The following ARHGAP17 variants were observed in gnomAD, a reference collection of about 807,000 sequenced individuals.
ARHGAP17 encodes Rho GTPase activating protein 17.
Under a neutral mutation model 99.5 loss-of-function variants are expected in ARHGAP17, and 57 were observed. The ratio of observed to expected loss-of-function variants is 0.57; its 90% CI spans 0.46 to 0.71. The LOEUF (loss-of-function observed/expected upper bound fraction) is 0.71. ARHGAP17 is among the 30% of genes least tolerant of loss of function. The pLI is 0.00. For missense variants in ARHGAP17, 1,000 were observed against 1,122.4 expected, an observed-to-expected ratio of 0.89 and a Z score of 1.56; for synonymous variants, 417 against 429.6, an observed-to-expected ratio of 0.97 and a Z score of 0.36.
At chr16:25,004,087 G>C (rs947413436) in intron 1 of ARHGAP17, among the ~76,000 whole-genome samples, 1 of 152,040 alleles carries the variant, frequency 6.6e-6, no homozygotes, top group Non-Finnish European at 1.5e-5. Flanking sequence ...TTTCCCCTAG[G>C]ACTATCTCTA....
chr16:24,984,588 G>A (rs1230094303), intron 1 of ARHGAP17, among the ~76,000 whole-genome samples: 3 of 152,042 alleles, frequency 2.0e-5, no homozygotes, highest in Non-Finnish European at 2.9e-5. Flanking sequence ...CCCGGGAGGC[G>A]GAGTTTGCAG....
chr16:24,953,322 C>T (rs1250127480), intron 10 of ARHGAP17, among the ~76,000 whole-genome samples: 1 of 152,162 alleles, frequency 6.6e-6, no homozygotes, highest in Non-Finnish European at 1.5e-5. Flanking sequence ...TTGTCCTGTG[C>T]CCTGTAGGAT....
intron 1 of ARHGAP17, among the ~76,000 whole-genome samples, chr16:24,994,710 A>C (rs1021046237): frequency 1.3e-5 from 2 of 152,142 alleles, no homozygotes; most frequent in African/African-American, 4.8e-5. Context: ...AAACTGATGC[A>C]CCCAGGGAAC....
At chr16:24,944,974 T>C (rs570280841) in intron 14 of ARHGAP17, among the ~76,000 whole-genome samples, 4 of 151,966 alleles carry the variant, frequency 2.6e-5, no homozygotes, top group African/African-American at 9.6e-5. Context: ...GGTCATCATA[T>C]ATGTGGACTA....
chr16:24,942,767 CAAAA>C (rs768002636), intron 15 of ARHGAP17, among the ~76,000 whole-genome samples: 3 of 69,484 alleles, frequency 4.3e-5, no homozygotes, highest in Non-Finnish European at 3.5e-5. Flanking sequence ...GACTCTGTCT[CAAAA>C]AAAAAAAAAA....
At chr16:25,001,264 A>G (rs2053352859) in intron 1 of ARHGAP17, among the ~76,000 whole-genome samples, 1 of 149,712 alleles carries the variant, frequency 6.7e-6, no homozygotes, top group African/African-American at 2.5e-5. Context: ...AATTTAAAAA[A>G]CAAAAAAAAA....
intron 19 of ARHGAP17, 171 bp from the exon 20 acceptor site, chr16:24,920,431 A>G (rs2050691144): frequency 2.7e-6 from 2 of 728,332 alleles, no homozygotes; most frequent in Admixed American, 2.8e-5. Flanking sequence ...AGCCTTTGTG[A>G]CCCCAGAGGG....
At chr16:24,960,315 T>C (rs1032561299) in intron 7 of ARHGAP17, among the ~76,000 whole-genome samples, 1 of 152,114 alleles carries the variant, frequency 6.6e-6, no homozygotes, top group Non-Finnish European at 1.5e-5. Context: ...GAGGCTGAGA[T>C]GGGCAGATTA....
intron 10 of ARHGAP17, among the ~76,000 whole-genome samples, chr16:24,953,297 A>AT (rs1567226674): frequency 6.6e-6 from 1 of 152,132 alleles, no homozygotes; most frequent in Non-Finnish European, 1.5e-5. Context: ...AGGCTGGATG[A>AT]TTTTTTGTTG....
At chr16:24,923,144 T>C (rs557698319) in intron 19 of ARHGAP17, among the ~76,000 whole-genome samples, 1 of 152,320 alleles carries the variant, frequency 6.6e-6, no homozygotes, top group East Asian at 1.9e-4. Context: ...ACACAGCCAG[T>C]GTGGACCAAA....
chr16:24,947,458 A>G lies in ARHGAP17; in HGVS notation c.1241+24T>C, dbSNP rs528796756. The G allele has an allele frequency of 7.6e-6, 12 of 1,587,132 alleles. No individual in the cohort carries two copies. In the African/African-American group the frequency reaches 1.1e-4, roughly 14 times the overall value. On this transcript the variant is annotated intron_variant, in intron 14 of 19. Transcript: ENST00000289968. The stretch of plus-strand genomic sequence containing the variant: ...ATCAGGTGGGAAAGAAGAAATTCAA[A>G]TGATACAGAGAAAGATGACTTACCC...
At chr16:24,994,574 G>C (rs1375192936) in intron 1 of ARHGAP17, among the ~76,000 whole-genome samples, 3 of 152,134 alleles carry the variant, frequency 2.0e-5, no homozygotes, top group Non-Finnish European at 4.4e-5. Flanking sequence ...GGGTCCCTGG[G>C]AGTTGTCACT....
At chr16:24,996,428 G>A (rs140571854) in intron 1 of ARHGAP17, among the ~76,000 whole-genome samples, 430 of 152,220 alleles carry the variant, frequency 2.8e-3, no homozygotes, top group Admixed American at 6.0e-3. Context: ...ATCATATCTG[G>A]ACATTGCTCC....
chr16:25,013,202 T>C (rs1249848408), intron 1 of ARHGAP17, among the ~76,000 whole-genome samples: 2 of 152,186 alleles, frequency 1.3e-5, no homozygotes, highest in Non-Finnish European at 2.9e-5. Flanking sequence ...GGCTGAAGAA[T>C]GAGCAAGAGG....
rs2051923742 is a variant in ARHGAP17, at chr16:24,959,684, C to G, written c.711G>C (p.Met237Ile). 3.1e-6 allele frequency: 5 copies of G among 1,613,888 alleles called. No homozygotes were observed. Among genetic ancestry groups the G allele is most frequent in the Non-Finnish European group, 4.2e-6 (5 of 1,180,012 alleles). The stretch of plus-strand genomic sequence containing the variant: ...GGGTTACATTACCTTGATGGGCTCG[C>G]ATTTCGGGGAGGGTCTTTTCTAAGA... ...LAVLEKTLPE[M>I]RAHQDKWAEK... is the part of the protein sequence containing the mutation. The change falls in exon 9 of 20, where the codon ATG (methionine) becomes ATC (isoleucine). Residue 237 changes from methionine to isoleucine, a missense_variant. Physicochemically the swap from Met to Ile is conservative, Grantham distance 10. This residue lies in a region of ARHGAP17 where 472 missense variants were observed against 611.1 expected (regional missense o/e 0.77). Transcript: ENST00000289968.
Position 24,931,219 on chromosome 16 carries a change from G to A in ARHGAP17, c.2080C>T (p.Gln694Ter). The A allele has an allele frequency of 6.4e-7, 1 of 1,565,136 alleles. No homozygotes were observed. The highest frequency in any genetic ancestry group is 8.7e-7 in the Non-Finnish European group (1 of 1,155,792). ...GAGTACCTCCGGGGTGCTGAGAGCTGGGAGGGGGCGGAGGGCTGGCCTGGA... is the reference window on the plus strand; with the variant it reads ...GAGTACCTCCGGGGTGCTGAGAGCTAGGAGGGGGCGGAGGGCTGGCCTGGA... ...QPPGQPSAPS[Q>*]LSAPRRYSSS... Residue 694 changes from glutamine (Q) to a stop codon, truncating the protein, a stop_gained, in exon 19 of 20, where the codon CAG (glutamine) becomes TAG (stop). Coordinates refer to ENST00000289968, the MANE Select transcript of ARHGAP17 (RefSeq NM_001006634.3). LOFTEE classifies it high-confidence loss of function.
chr16:24,947,437 G>A (rs758982026), intron 14 of ARHGAP17, 45 bp downstream of exon 14: 5 of 1,500,906 alleles, frequency 3.3e-6, no homozygotes, highest in Admixed American at 3.4e-5. Flanking sequence ...CATCCCATCA[G>A]GTGGGAAAGA....
intron 1 of ARHGAP17, among the ~76,000 whole-genome samples, chr16:24,982,921 A>C (rs2052715947): frequency 6.9e-6 from 1 of 145,270 alleles, no homozygotes; most frequent in African/African-American, 2.5e-5. Context: ...AAAAAAAAAC[A>C]GTAGACAAAG....
chr16:24,968,452 G>T (rs1402630828), intron 5 of ARHGAP17, 25 bp from the exon 6 acceptor site: 2 of 1,612,824 alleles, frequency 1.2e-6, no homozygotes, highest in Non-Finnish European at 1.7e-6. Context: ...ATACCAAATG[G>T]GATGCACTTC....
Sources: gnomAD v4.1 joint callset for allele counts (sites outside exome capture counted in the v4.1 genomes callset) on GRCh38, gnomAD v4.1.1 for gene constraint, gnomAD v4.1.1 regional missense constraint, MANE v1.5 for transcripts, NCBI Gene and HGNC (gene_info 2026-07-23, HGNC 2026-07-21) for gene names.